LYPD6: variants seen among roughly 807,000 people sequenced by gnomAD.
The protein encoded by LYPD6 is ly6/PLAUR domain-containing protein 6.
In LYPD6, 15 loss-of-function variants were observed where a neutral mutation model predicts 22.7. The ratio of observed to expected loss-of-function variants is 0.66; its 90% confidence interval spans 0.44 to 1.02. The LOEUF (loss-of-function observed/expected upper bound fraction) is 1.02. Among genes scored for constraint, LYPD6 ranks in the 50% least tolerant of loss-of-function variants. The pLI is 0.00. For synonymous variants in LYPD6, 72 were observed against 77.5 expected, an observed-to-expected ratio of 0.93 and a Z score of 0.37; for missense variants, 189 against 208.4, an observed-to-expected ratio of 0.91 and a Z score of 0.57.
At chr2:149,461,265 G>T (rs1173917770) in intron 3 of LYPD6, among the ~76,000 whole-genome samples, 7 of 151,950 alleles carry the variant, frequency 4.6e-5, no homozygotes, top group Admixed American at 3.9e-4. Flanking sequence ...TAAGGGAATA[G>T]TATGAACAAC....
intron 1 of LYPD6, among the ~76,000 whole-genome samples, chr2:149,397,093 T>C (rs552682211): frequency 6.6e-6 from 1 of 152,366 alleles, no homozygotes; most frequent in African/African-American, 2.4e-5. Flanking sequence ...TGTGGTTGGT[T>C]CACTTCATCG....
At chr2:149,348,678 C>G (rs766925571) in intron 1 of LYPD6, among the ~76,000 whole-genome samples, 4 of 152,234 alleles carry the variant, frequency 2.6e-5, no homozygotes, top group South Asian at 2.1e-4. Flanking sequence ...TATGTTGATT[C>G]TTCCCCCACT....
intron 3 of LYPD6, among the ~76,000 whole-genome samples, chr2:149,453,140 A>C (rs1403037546): frequency 6.6e-6 from 1 of 152,182 alleles, no homozygotes; most frequent in African/African-American, 2.4e-5. Context: ...ACTCATTATA[A>C]ATCTGTTCAA....
At chr2:149,440,718 T>TG (rs1683545157) in intron 2 of LYPD6, among the ~76,000 whole-genome samples, 1 of 130,250 alleles carries the variant, frequency 7.7e-6, no homozygotes, top group South Asian at 2.5e-4. Flanking sequence ...TTTTTTTTTT[T>TG]GAGACAGAGT....
At chr2:149,408,206 C>G (rs527731473) in intron 1 of LYPD6, among the ~76,000 whole-genome samples, 45 of 152,292 alleles carry the variant, frequency 3.0e-4, no homozygotes, top group Admixed American at 2.8e-3. Context: ...CTTGAGGAGG[C>G]AGTCTGCCCG....
At chr2:149,479,414 T>A in the LYPD6 span, among the ~76,000 whole-genome samples, 25 of 152,284 alleles carry the variant, frequency 1.6e-4, no homozygotes, top group African/African-American at 5.3e-4. Flanking sequence ...TTCTATGAAT[T>A]CTAGAATGCT....
At chr2:149,344,449 A>G (rs1681216871) in intron 1 of LYPD6, among the ~76,000 whole-genome samples, 1 of 152,200 alleles carries the variant, frequency 6.6e-6, no homozygotes, top group African/African-American at 2.4e-5. Flanking sequence ...ATACTAATAG[A>G]GGGGATAATA....
intron 1 of LYPD6, among the ~76,000 whole-genome samples, chr2:149,391,643 C>A (rs1048680888): frequency 1.1e-4 from 16 of 152,092 alleles, no homozygotes; most frequent in Non-Finnish European, 2.2e-4. Context: ...TATTTGATCC[C>A]TGTTTCACAG....
chr2:149,424,398 C>T (rs568668012), intron 1 of LYPD6, among the ~76,000 whole-genome samples: 115 of 152,288 alleles, frequency 7.6e-4, no homozygotes, highest in African/African-American at 2.0e-3. Flanking sequence ...CTTGTCCCTA[C>T]GGCATAGAAG....
At chr2:149,365,892 C>T (rs1275260249) in intron 1 of LYPD6, among the ~76,000 whole-genome samples, 1 of 152,134 alleles carries the variant, frequency 6.6e-6, no homozygotes, top group African/African-American at 2.4e-5. Context: ...TTAATGGACA[C>T]ACCAATTTAG....
At chr2:149,364,644 T>A (rs1056500591) in intron 1 of LYPD6, among the ~76,000 whole-genome samples, 9 of 152,020 alleles carry the variant, frequency 5.9e-5, no homozygotes, top group Non-Finnish European at 1.2e-4. Flanking sequence ...TTGGATACAT[T>A]TTTGTTCCTC....
chr2:149,418,856 A>T (rs987155043), intron 1 of LYPD6, among the ~76,000 whole-genome samples: 1 of 152,218 alleles, frequency 6.6e-6, no homozygotes, highest in South Asian at 2.1e-4. Flanking sequence ...TCCAGGATAC[A>T]TTGAGCAAGC....
intron 1 of LYPD6, among the ~76,000 whole-genome samples, chr2:149,399,089 G>C (rs1682493897): frequency 6.6e-6 from 1 of 151,962 alleles, no homozygotes; most frequent in South Asian, 2.1e-4. Context: ...AGAATGAAGA[G>C]GAAGGTGTTA....
chr2:149,396,670 A>G (rs1314154670), intron 1 of LYPD6, among the ~76,000 whole-genome samples: 2 of 152,084 alleles, frequency 1.3e-5, no homozygotes, highest in Non-Finnish European at 2.9e-5. Flanking sequence ...TTGATTTACT[A>G]TTGAAACTGC....
intron 1 of LYPD6, among the ~76,000 whole-genome samples, chr2:149,431,790 T>C (rs1034145432): frequency 6.6e-6 from 1 of 152,296 alleles, no homozygotes; most frequent in South Asian, 2.1e-4. Flanking sequence ...TTAAAAACTT[T>C]TGTAGATCAA....
intron 3 of LYPD6, among the ~76,000 whole-genome samples, chr2:149,453,701 C>G (rs1054180433): frequency 4.6e-5 from 7 of 152,196 alleles, no homozygotes; most frequent in Admixed American, 3.9e-4. Flanking sequence ...GAAGACAAGA[C>G]CATAGTTACA....
At chr2:149,389,483 T>G (rs997050321) in intron 1 of LYPD6, among the ~76,000 whole-genome samples, 2 of 152,074 alleles carry the variant, frequency 1.3e-5, no homozygotes, top group African/African-American at 4.8e-5. Flanking sequence ...ATTACAGATA[T>G]ACGAAAATTA....
intron 1 of LYPD6, among the ~76,000 whole-genome samples, chr2:149,393,767 CT>C (rs1559136023): frequency 6.6e-6 from 1 of 152,198 alleles, no homozygotes; most frequent in African/African-American, 2.4e-5. Flanking sequence ...ATGAGATTAG[CT>C]TTCCCCAGCT....
intron 1 of LYPD6, among the ~76,000 whole-genome samples, chr2:149,420,372 C>T (rs965433364): frequency 2.6e-5 from 4 of 152,142 alleles, no homozygotes; most frequent in Non-Finnish European, 4.4e-5. Context: ...ATGTTGGTGT[C>T]TGTGTGTGTT....
Sources: gnomAD v4.1 joint callset for allele counts (sites outside exome capture counted in the v4.1 genomes callset) on GRCh38, gnomAD v4.1.1 for gene constraint, MANE v1.5 for transcripts, NCBI Gene and HGNC (gene_info 2026-07-23, HGNC 2026-07-21) for gene names.